Variants in ALDH1L1 observed in about 807,000 individuals in gnomAD.
The protein encoded by ALDH1L1 is aldehyde dehydrogenase 1 family member L1.
In ALDH1L1, 68 loss-of-function variants were observed where a neutral mutation model predicts 101.1. The observed-to-expected ratio is 0.67, with a 90% confidence interval of 0.55 to 0.82. The LOEUF (loss-of-function observed/expected upper bound fraction) is 0.82, where lower values mean the gene tolerates loss of function less well. ALDH1L1 is among the 40% of genes least tolerant of loss of function. The probability of loss-of-function intolerance (pLI) is 0.00; values close to 1 mark genes in which losing one functional copy is unlikely to be tolerated. For synonymous variants in ALDH1L1, 486 were observed against 470.8 expected, an observed-to-expected ratio of 1.03 and a Z score of -0.42; for missense variants, 1,087 against 1,172.7, an observed-to-expected ratio of 0.93 and a Z score of 1.07.
chr3:126,104,103 G>C (rs4646759), intron 22 of ALDH1L1: 106,190 of 562,216 alleles, frequency 0.19, 10,630 homozygotes, highest in Middle Eastern at 0.25. Flanking sequence ...CCACCGCCTT[G>C]TCTGGACAGT....
chr3:126,130,044 A>G, intron 14 of ALDH1L1, 179 bp downstream of exon 14: 1 of 521,276 alleles, frequency 1.9e-6, no homozygotes, highest in Non-Finnish European at 3.2e-6. Context: ...GATTAAATAC[A>G]ATTGTCCTCA....
intron 1 of ALDH1L1, among the ~76,000 whole-genome samples, chr3:126,170,918 C>T (rs939993912): frequency 1.5e-4 from 23 of 152,270 alleles, no homozygotes; most frequent in Admixed American, 7.2e-4. Flanking sequence ...CACCCTCATA[C>T]GATGGGCCCC....
intron 17 of ALDH1L1, 143 bp from the exon 18 acceptor site, chr3:126,114,799 C>CCCCCCCCCCCCCCTT: frequency 1.3e-6 from 1 of 748,472 alleles, no homozygotes; most frequent in Admixed American, 2.0e-5. Flanking sequence ...CCACTCCCCC[C>CCCCCCCCCCCCCCTT]CACCCCTTGC....
chr3:126,185,043 C>T (rs1199985755), upstream of ALDH1L1, among the ~76,000 whole-genome samples: 2 of 152,130 alleles, frequency 1.3e-5, no homozygotes, highest in African/African-American at 4.8e-5. Context: ...TGGTTTTCTC[C>T]ATATTTCCCC....
At chr3:126,166,207 G>T (rs1242465567) in intron 1 of ALDH1L1, among the ~76,000 whole-genome samples, 2 of 152,052 alleles carry the variant, frequency 1.3e-5, no homozygotes, top group Non-Finnish European at 2.9e-5. Flanking sequence ...AACCTCCCCT[G>T]CCATTCTCCC....
chr3:126,151,611 G>T (rs957326141), intron 7 of ALDH1L1: 2 of 152,244 alleles, frequency 1.3e-5, no homozygotes, highest in Admixed American at 6.5e-5. Context: ...TTATGGATAA[G>T]CTCATGGGTG....
At chr3:126,127,166 A>T (rs2080204325) in intron 14 of ALDH1L1, among the ~76,000 whole-genome samples, 1 of 152,152 alleles carries the variant, frequency 6.6e-6, no homozygotes, top group African/African-American at 2.4e-5. Flanking sequence ...ACTGACGCCC[A>T]CACTCACTGG....
rs200819795 is a variant in ALDH1L1 at position 126,110,075 on chromosome 3, G to A, written c.2216C>T (p.Pro739Leu). 6.5e-5 allele frequency: 105 copies of A among 1,614,166 alleles called. 1 individual carries two copies. The highest frequency in any genetic ancestry group is 3.3e-5 in the South Asian group (3 of 91,076). ...CCCGTGGTCGGTGTCCCTGTCCAGC[G>A]GGTTGCCCACCTTCATCTTCCGCAC... ...EEVRKMKVGN[P>L]LDRDTDHGPQ... Residue 739 changes from proline to leucine, a missense_variant, in exon 20 of 23, where the codon CCG becomes CTG. By Grantham distance (98) the Pro-to-Leu change is moderately conservative. Coordinates refer to ENST00000393434, the MANE Select transcript of ALDH1L1 (RefSeq NM_012190.4).
chr3:126,185,973 C>A (rs1440484914), upstream of ALDH1L1, among the ~76,000 whole-genome samples: 2 of 151,968 alleles, frequency 1.3e-5, no homozygotes, highest in African/African-American at 4.8e-5. Context: ...TATGAGGTCC[C>A]TAAAGTACTC....
chr3:126,138,356 T>C (rs2080496724), intron 9 of ALDH1L1, among the ~76,000 whole-genome samples: 1 of 152,136 alleles, frequency 6.6e-6, no homozygotes, highest in South Asian at 2.1e-4. Context: ...AAGCCACAGA[T>C]TGGAAGAAAA....
At chr3:126,184,949 C>A (rs1333708951), upstream of ALDH1L1, among the ~76,000 whole-genome samples, 7 of 152,166 alleles carry the variant, frequency 4.6e-5, no homozygotes, top group Non-Finnish European at 1.0e-4. Flanking sequence ...TCAGATGCTT[C>A]TACCCTGCCT....
intron 1 of ALDH1L1, among the ~76,000 whole-genome samples, chr3:126,178,377 T>C (rs2081402346): frequency 9.9e-6 from 1 of 101,246 alleles, no homozygotes; most frequent in Non-Finnish European, 1.8e-5. Flanking sequence ...TGAGACCCTG[T>C]CTCAAAAAAA....
chr3:126,132,331 T>C (rs11711839), intron 12 of ALDH1L1, among the ~76,000 whole-genome samples: 97,462 of 152,068 alleles, frequency 0.64, 31,269 homozygotes, highest in Middle Eastern at 0.7. Context: ...CCAGGCACCA[T>C]GAAGCCCACA....
At position 126,150,546 on chromosome 3, in the gene ALDH1L1, ATTTCTTTTCT is replaced by A; in HGVS notation, c.859-25_859-16del. ...TTCACCAGCAGCTGCAAAAGGAAGG[ATTTCTTTTCT>A]TTTCTTTTCTTTTTTTGAGACAGAG... On this transcript the variant is annotated splice_polypyrimidine_tract_variant and intron_variant, in intron 7 of 22. Coordinates refer to ENST00000393434, the MANE Select transcript of ALDH1L1 (RefSeq NM_012190.4). The A allele has an allele frequency of 1.9e-6, 3 of 1,548,386 alleles. No individual in the cohort carries two copies. The highest frequency in any genetic ancestry group is 1.2e-5 in the South Asian group (1 of 83,982).
intron 22 of ALDH1L1, 22 bp downstream of exon 22, chr3:126,105,704 C>G (rs763946860): frequency 3.1e-6 from 5 of 1,613,678 alleles, no homozygotes; most frequent in Middle Eastern, 1.6e-4. Context: ...TGAAAGCAAC[C>G]CCACAGGCAG....
intron 9 of ALDH1L1, among the ~76,000 whole-genome samples, chr3:126,138,255 G>C (rs76718953): frequency 0.013 from 1,943 of 152,246 alleles, 44 homozygotes; most frequent in African/African-American, 0.044. Flanking sequence ...GCTATTTTGC[G>C]ATGAGTAAAT....
chr3:126,164,520 T>C (rs188365544), intron 1 of ALDH1L1, among the ~76,000 whole-genome samples: 97 of 152,348 alleles, frequency 6.4e-4, no homozygotes, highest in African/African-American at 2.3e-3. Flanking sequence ...TTACGGCCTC[T>C]AGTCCACCCA....
At chr3:126,195,161 A>G (rs754727474) in intron 1 of ALDH1L1, among the ~76,000 whole-genome samples, 78 of 152,114 alleles carry the variant, frequency 5.1e-4, no homozygotes, top group Non-Finnish European at 9.3e-4. Flanking sequence ...AAGTTGAACA[A>G]TTTCAAAAGT....
chr3:126,158,544 C>T lies in ALDH1L1; in HGVS notation c.223G>A (p.Ala75Thr). 1 of 1,614,222 alleles carries T rather than the reference C, an allele frequency of 6.2e-7. No individual in the cohort carries two copies. Reference protein sequence around the residue: ...ALPDVVAKYQALGAELNVLPF... With the variant: ...ALPDVVAKYQTLGAELNVLPF... ...AGGACGTTGAGCTCGGCCCCCAAAG[C>T]CTGGTATTTTGCCACCACATCAGGC... The change falls in exon 3 of 23, where the codon GCT becomes ACT. Residue 75 changes from alanine (A) to threonine (T), a missense_variant. Ala to Thr is a moderately conservative substitution (Grantham distance 58, BLOSUM62 0). This residue lies in a region of ALDH1L1 where 645 missense variants were observed against 637.0 expected (regional missense o/e 1.01). Coordinates refer to ENST00000393434, the MANE Select transcript of ALDH1L1 (RefSeq NM_012190.4).
Sources: allele counts gnomAD v4.1 joint callset (sites outside exome capture counted in the v4.1 genomes callset), GRCh38; gene constraint gnomAD v4.1.1; regional missense constraint gnomAD v4.1.1; transcripts MANE v1.5; gene names NCBI Gene and HGNC (gene_info 2026-07-23, HGNC 2026-07-21).